TANC2: variants seen among roughly 807,000 people sequenced by gnomAD.
The protein encoded by TANC2 is protein TANC2.
A neutral mutation model predicts 210.5 loss-of-function variants in TANC2; 26 were observed. The ratio of observed to expected loss-of-function variants is 0.12; its 90% CI spans 0.09 to 0.17. The LOEUF is 0.17. Ranked by LOEUF, TANC2 falls within the 10% of genes least tolerant of loss-of-function variation. TANC2 has a pLI of 1.00. For missense variants in TANC2, 2,129 were observed against 2,608.9 expected (o/e 0.82, Z 4.01); for synonymous variants, 931 against 967.1 (o/e 0.96, Z 0.69).
intron 9 of TANC2, among the ~76,000 whole-genome samples, chr17:63,273,210 T>C (rs1315407046): frequency 6.6e-6 from 1 of 152,118 alleles, no homozygotes; most frequent in African/African-American, 2.4e-5. Flanking sequence ...CACTTGAGCC[T>C]GTGAGGCCAA....
At position 63,354,768 on chromosome 17, in the gene TANC2, T is replaced by C. The variant is rs1223485948; in HGVS notation, c.1975-15T>C. On this transcript the variant is annotated splice_polypyrimidine_tract_variant and intron_variant, in intron 13 of 27. Coordinates refer to ENST00000689528, the Ensembl canonical transcript of TANC2. ...GAAGGTCTTTCTGTCTCTTTCTCTCTCTCCATCTTTTTAGGAAATTACCAA... is the reference window on the plus strand; with the variant it reads ...GAAGGTCTTTCTGTCTCTTTCTCTCCCTCCATCTTTTTAGGAAATTACCAA... 1 of 1,544,096 alleles carries C rather than the reference T, an allele frequency of 6.5e-7. No individual in the cohort carries two copies. Among genetic ancestry groups the C allele is most frequent in the Non-Finnish European group, 8.7e-7 (1 of 1,150,656 alleles).
intron 2 of TANC2, among the ~76,000 whole-genome samples, chr17:63,011,989 C>T (rs1228030982): frequency 6.8e-6 from 1 of 147,550 alleles, no homozygotes; most frequent in Admixed American, 6.8e-5. Flanking sequence ...TCTTTTTCCT[C>T]TCTTCCTTTC....
intron 8 of TANC2, among the ~76,000 whole-genome samples, chr17:63,240,222 C>T (rs556835735): frequency 7.2e-5 from 11 of 152,322 alleles, no homozygotes; most frequent in Admixed American, 5.2e-4. Flanking sequence ...CCTAACTAAG[C>T]TACAATGATT....
chr17:63,209,184 A>AT (rs933954767), intron 7 of TANC2, among the ~76,000 whole-genome samples: 20 of 148,658 alleles, frequency 1.3e-4, no homozygotes, highest in East Asian at 6.0e-4. Flanking sequence ...TAATTTTTGT[A>AT]TTTTTTTTTG....
intron 2 of TANC2, among the ~76,000 whole-genome samples, chr17:63,013,668 A>G (rs1218381507): frequency 1.3e-5 from 2 of 150,540 alleles, no homozygotes; most frequent in East Asian, 2.0e-4. Context: ...AAGCCAAGGC[A>G]GGAGAATCGC....
chr17:63,222,444 C>T (rs1197249290), intron 7 of TANC2, among the ~76,000 whole-genome samples: 1 of 152,120 alleles, frequency 6.6e-6, no homozygotes, highest in Non-Finnish European at 1.5e-5. Flanking sequence ...CATTTTGCTA[C>T]ATAAAACAAG....
At chr17:63,003,981 A>T (rs2033499581) in intron 1 of TANC2, among the ~76,000 whole-genome samples, 1 of 152,120 alleles carries the variant, frequency 6.6e-6, no homozygotes, top group Non-Finnish European at 1.5e-5. Flanking sequence ...ATGGGCAGAC[A>T]ATCATTAACA....
In TANC2 at chr17:63,389,355, A is replaced by G. The variant is rs200308847; in HGVS notation, c.2862A>G (p.Thr954=). 42 of 1,613,990 alleles carry G rather than the reference A, an allele frequency of 2.6e-5. No homozygotes were observed. The African/African-American group carries it at 5.3e-4, about 20-fold the overall frequency. Residue 954 remains threonine, a synonymous_variant, in exon 17 of 28, where the codon ACA becomes ACG. Coordinates refer to ENST00000689528, the Ensembl canonical transcript of TANC2. ...GAGGTGCCAATATTAATTACCGGAC[A>G]GAGGTTTTAAATAATGCTCCAATTC...
chr17:63,215,368 T>C (rs763395600), intron 7 of TANC2, among the ~76,000 whole-genome samples: 4 of 152,198 alleles, frequency 2.6e-5, no homozygotes, highest in Non-Finnish European at 5.9e-5. Flanking sequence ...TTGTCCCTGG[T>C]TCCTGACACA....
chr17:63,278,241 A>C (rs2043947501), intron 9 of TANC2, among the ~76,000 whole-genome samples: 1 of 152,162 alleles, frequency 6.6e-6, no homozygotes, highest in African/African-American at 2.4e-5. Flanking sequence ...ATCTGATAGG[A>C]GTTAATATCC....
At chr17:63,350,285 A>C (rs770769279) in intron 12 of TANC2, among the ~76,000 whole-genome samples, 1 of 152,158 alleles carries the variant, frequency 6.6e-6, no homozygotes, top group Non-Finnish European at 1.5e-5. Flanking sequence ...CAGGTATCTG[A>C]TGACTGCTTG....
intron 5 of TANC2, among the ~76,000 whole-genome samples, chr17:63,181,347 G>A (rs1369668843): frequency 6.6e-6 from 1 of 152,182 alleles, no homozygotes; most frequent in Admixed American, 6.5e-5. Context: ...TGGCCTAGTG[G>A]AAGGTAGATG....
intron 9 of TANC2, among the ~76,000 whole-genome samples, chr17:63,311,690 T>C (rs911423843): frequency 6.6e-6 from 1 of 152,204 alleles, no homozygotes; most frequent in African/African-American, 2.4e-5. Flanking sequence ...TGTACATGAA[T>C]GTTCATAGCA....
At chr17:62,968,102 A>G (rs2031466592) in intron 1 of TANC2, among the ~76,000 whole-genome samples, 2 of 152,212 alleles carry the variant, frequency 1.3e-5, no homozygotes, top group Non-Finnish European at 2.9e-5. Flanking sequence ...ATTTAAGAAC[A>G]TCTGTTTCGA....
At chr17:63,244,255 C>G (rs1293991942) in intron 8 of TANC2, among the ~76,000 whole-genome samples, 2 of 152,172 alleles carry the variant, frequency 1.3e-5, no homozygotes, top group Non-Finnish European at 2.9e-5. Context: ...GATGCTTGCT[C>G]TTGACTAGTC....
chr17:62,976,495 G>A (rs1203029377), intron 1 of TANC2, among the ~76,000 whole-genome samples: 1 of 151,370 alleles, frequency 6.6e-6, no homozygotes, highest in East Asian at 1.9e-4. Flanking sequence ...ATAAAAAAGG[G>A]ACTTATCTAT....
intron 9 of TANC2, among the ~76,000 whole-genome samples, chr17:63,307,564 A>G (rs1403038912): frequency 6.6e-6 from 1 of 152,198 alleles, no homozygotes; most frequent in Non-Finnish European, 1.5e-5. Context: ...TTTCTGCTAC[A>G]TTTTTATATT....
chr17:63,089,029 A>G (rs2037082655), intron 3 of TANC2: 1 of 152,192 alleles, frequency 6.6e-6, no homozygotes, highest in South Asian at 2.1e-4. Context: ...ACTGATGCAG[A>G]CATACTATTG....
chr17:63,223,862 A>G (rs2042260156), intron 7 of TANC2, among the ~76,000 whole-genome samples: 1 of 151,970 alleles, frequency 6.6e-6, no homozygotes, highest in African/African-American at 2.4e-5. Context: ...CTGATCTCCT[A>G]CCTCAACTTT....
Sources: allele counts gnomAD v4.1 joint callset (sites outside exome capture counted in the v4.1 genomes callset), GRCh38; gene constraint gnomAD v4.1.1; transcripts MANE v1.5; gene names NCBI Gene and HGNC (gene_info 2026-07-23, HGNC 2026-07-21).